TENM3: variants seen among roughly 807,000 people sequenced by gnomAD.
TENM3 encodes the protein teneurin transmembrane protein 3, also known as teneurin-3.
In TENM3, 63 loss-of-function variants were observed where a neutral mutation model predicts 255.1. The ratio of observed to expected loss-of-function variants is 0.25; its 90% CI spans 0.20 to 0.30. TENM3 has a LOEUF of 0.30. Among genes scored for constraint, TENM3 ranks in the 10% least tolerant of loss-of-function variants. TENM3 has a pLI of 1.00. For missense variants in TENM3, 2,929 were observed against 3,461.1 expected (o/e 0.85, Z 3.86); for synonymous variants, 1,306 against 1,322.3 (o/e 0.99, Z 0.27).
At chr4:182,466,699 C>T (rs1732628662) in intron 3 of TENM3, among the ~76,000 whole-genome samples, 1 of 151,898 alleles carries the variant, frequency 6.6e-6, no homozygotes, top group Non-Finnish European at 1.5e-5. Flanking sequence ...AGAATGACCT[C>T]ATCTTAACCA....
rs768042395 is a variant in TENM3, at chr4:182,743,378, G to T, written c.3588G>T (p.Arg1196=). The change falls in exon 19 of 28, where the codon CGG becomes CGT. Residue 1196 remains arginine, a synonymous_variant. Transcript: ENST00000511685. ...TAGGCGATTTCAACTATGTGCGGCG[G>T]ATATTCCCTTCTGGAAATGTAACAA... ...LYVGDFNYVR[R]IFPSGNVTSV... 1 of 1,613,952 alleles carries T rather than the reference G, an allele frequency of 6.2e-7. No individual in the cohort carries two copies. Among genetic ancestry groups the T allele is most frequent in the South Asian group, 1.1e-5 (1 of 91,084 alleles).
At chr4:181,925,425 T>A in the TENM3 span, among the ~76,000 whole-genome samples, 1 of 152,216 alleles carries the variant, frequency 6.6e-6, no homozygotes, top group African/African-American at 2.4e-5. Context: ...ATAAGTAATG[T>A]GTGTTATTCT....
chr4:182,789,515 C>T lies in TENM3; in HGVS notation c.5601+126C>T, dbSNP rs1036218510. On this transcript the variant is annotated intron_variant, in intron 25 of 27. Coordinates refer to ENST00000511685, the MANE Select transcript of TENM3 (RefSeq NM_001080477.4). The surrounding 1 kb of genome is among the most constrained non-coding windows in gnomAD (Gnocchi z 4.4). ...GAGTTCCATTTGTTATTCGAAGTAT[C>T]AATACGGAAGTCACATTGGCACAGC... 1.8e-5 allele frequency: 17 copies of T among 927,634 alleles called. No individual in the cohort carries two copies. The African/African-American group carries it at 2.3e-4, about 13-fold the overall frequency. 57.5% of individuals were successfully genotyped at this position (927,634 alleles called of 1,614,324 possible).
chr4:182,530,886 C>T (rs1181954554), intron 3 of TENM3, among the ~76,000 whole-genome samples: 1 of 152,136 alleles, frequency 6.6e-6, no homozygotes, highest in African/African-American at 2.4e-5. Flanking sequence ...TGTGGGAGGA[C>T]AGGTGATAAA....
chr4:182,329,927 G>A (rs2150544609), intron 2 of TENM3, among the ~76,000 whole-genome samples: 1 of 152,016 alleles, frequency 6.6e-6, no homozygotes, highest in South Asian at 2.1e-4. Flanking sequence ...TTAACTTCAA[G>A]GATAAAGAGC....
At chr4:182,501,376 G>GGA (rs1326099006) in intron 3 of TENM3, among the ~76,000 whole-genome samples, 4 of 139,034 alleles carry the variant, frequency 2.9e-5, no homozygotes, top group African/African-American at 1.0e-4. Flanking sequence ...CTAAAAGTGG[G>GGA]GGGGGGGGTT....
chr4:182,744,228 C>A, intron 19 of TENM3: 1 of 873,458 alleles, frequency 1.1e-6, no homozygotes, highest in East Asian at 1.2e-4. Flanking sequence ...CAATGTGACC[C>A]TCTGAAATTG....
the TENM3 span, among the ~76,000 whole-genome samples, chr4:181,686,859 T>C: frequency 6.6e-6 from 1 of 152,192 alleles, no homozygotes; most frequent in Admixed American, 6.5e-5. Context: ...GCATGTACTT[T>C]GCTGAAAATG....
chr4:181,811,285 T>C, the TENM3 span, among the ~76,000 whole-genome samples: 1 of 152,186 alleles, frequency 6.6e-6, no homozygotes, highest in South Asian at 2.1e-4. Flanking sequence ...ATCTCACATA[T>C]ATTTACTGTT....
the TENM3 span, among the ~76,000 whole-genome samples, chr4:182,136,977 C>A: frequency 6.6e-6 from 1 of 151,930 alleles, no homozygotes; most frequent in African/African-American, 2.4e-5. Flanking sequence ...AGTCAGCATC[C>A]CCCCCCACCC....
chr4:182,497,213 C>T (rs1379179347), intron 3 of TENM3, among the ~76,000 whole-genome samples: 2 of 152,020 alleles, frequency 1.3e-5, no homozygotes, highest in African/African-American at 2.4e-5. Context: ...CCACCATGCC[C>T]GGCCAATTTT....
At chr4:181,594,443 C>T in the TENM3 span, among the ~76,000 whole-genome samples, 1 of 152,098 alleles carries the variant, frequency 6.6e-6, no homozygotes. Flanking sequence ...ATTGGTCCAC[C>T]CCTTTCTTCA....
chr4:182,033,162 T>G, the TENM3 span, among the ~76,000 whole-genome samples: 18 of 152,174 alleles, frequency 1.2e-4, no homozygotes, highest in Admixed American at 1.2e-3. Flanking sequence ...TCTTTCTAGC[T>G]TTTTGATGTG....
At chr4:182,712,542 C>T (rs1758825321) in intron 12 of TENM3, among the ~76,000 whole-genome samples, 1 of 152,036 alleles carries the variant, frequency 6.6e-6, no homozygotes, top group Admixed American at 6.5e-5. Context: ...CAAAATTAAT[C>T]TCTTCCTGAC....
chr4:182,720,349 C>CG (rs1561156643), intron 13 of TENM3, among the ~76,000 whole-genome samples: 1 of 151,008 alleles, frequency 6.6e-6, no homozygotes, highest in Admixed American at 6.6e-5. Context: ...GGAAAGGAAG[C>CG]GGGGGAGAGG....
the TENM3 span, among the ~76,000 whole-genome samples, chr4:181,555,924 G>A: frequency 1.2e-4 from 19 of 152,202 alleles, no homozygotes; most frequent in Admixed American, 2.6e-4. Flanking sequence ...ACCTAGAAGA[G>A]AGAACATGGG....
chr4:182,281,040 C>T (rs1760349692), intron 1 of TENM3, among the ~76,000 whole-genome samples: 1 of 152,174 alleles, frequency 6.6e-6, no homozygotes, highest in Admixed American at 6.5e-5. Context: ...GGTAATTTCT[C>T]CTACAAACTC....
the TENM3 span, among the ~76,000 whole-genome samples, chr4:181,526,856 TATCA>T: frequency 2.0e-5 from 3 of 152,244 alleles, no homozygotes; most frequent in Admixed American, 6.5e-5. Flanking sequence ...TCTCTCTCTC[TATCA>T]GTCTCTGACT....
At chr4:182,093,082 G>GA in the TENM3 span, among the ~76,000 whole-genome samples, 2 of 152,014 alleles carry the variant, frequency 1.3e-5, no homozygotes, top group Non-Finnish European at 2.9e-5. Context: ...AAATCTCCCT[G>GA]AAAATAATTC....
Sources: allele counts gnomAD v4.1 joint callset (sites outside exome capture counted in the v4.1 genomes callset), GRCh38; gene constraint gnomAD v4.1.1; non-coding constraint Gnocchi (gnomAD v3.1); transcripts MANE v1.5; gene names NCBI Gene and HGNC (gene_info 2026-07-23, HGNC 2026-07-21).